ZGRF1: variants seen among roughly 807,000 people sequenced by gnomAD.
The protein encoded by ZGRF1 is 5'-3' DNA helicase ZGRF1.
A neutral mutation model predicts 203.5 loss-of-function variants in ZGRF1; 196 were observed. The ratio of observed to expected loss-of-function variants is 0.96; its 90% CI spans 0.86 to 1.08. The LOEUF is 1.08. Ranked by LOEUF, ZGRF1 falls within the 50% of genes least tolerant of loss-of-function variation. The pLI is 0.00. For missense variants in ZGRF1, 2,326 were observed against 2,416.3 expected (o/e 0.96, Z 0.78); for synonymous variants, 809 against 841.3 (o/e 0.96, Z 0.66).
In ZGRF1 at chr4:112,553,815, T is replaced by C. The variant is rs761771355; in HGVS notation, c.5346+20A>G. Reference sequence around the variant, plus strand: ...TGGTATATATAAATCAAGAAACAAATTGAAGCTACTACTTCTTACCTGCTT... The same window carrying C: ...TGGTATATATAAATCAAGAAACAAACTGAAGCTACTACTTCTTACCTGCTT... On this transcript the variant is annotated intron_variant, in intron 22 of 27. Transcript: ENST00000505019. 12 of 1,581,192 alleles carry C rather than the reference T, an allele frequency of 7.6e-6. No homozygotes were observed. In the African/African-American group the frequency reaches 1.5e-4, roughly 20 times the overall value.
chr4:112,541,955 T>C (rs1349991785), intron 24 of ZGRF1, among the ~76,000 whole-genome samples: 1 of 152,272 alleles, frequency 6.6e-6, no homozygotes, highest in East Asian at 1.9e-4. Context: ...TTTTTCATTC[T>C]GAATCTTGAA....
At chr4:112,633,682 A>G (rs1405847843) in intron 1 of ZGRF1, among the ~76,000 whole-genome samples, 1 of 152,224 alleles carries the variant, frequency 6.6e-6, no homozygotes, top group Non-Finnish European at 1.5e-5. Context: ...GACCAATTAC[A>G]TAGTACCTCT....
intron 16 of ZGRF1, among the ~76,000 whole-genome samples, chr4:112,568,742 G>A (rs1274919097): frequency 4.1e-5 from 6 of 148,144 alleles, no homozygotes; most frequent in East Asian, 2.0e-4. Flanking sequence ...AAAGCCAGGC[G>A]TGGTGGCTCA....
chr4:112,545,281 C>A (rs554673490), intron 24 of ZGRF1, among the ~76,000 whole-genome samples: 1 of 150,018 alleles, frequency 6.7e-6, no homozygotes, highest in South Asian at 2.1e-4. Context: ...AAAAAAAAAA[C>A]CTCCTATAAC....
rs796315134 is a variant in ZGRF1, at chr4:112,617,328, CTATT to C, written c.2602+108_2602+111del. On this transcript the variant is annotated intron_variant, in intron 6 of 27. Transcript: ENST00000505019. ...TGGTTTTACCAAGTACATGTATTAC[CTATT>C]TAAACACTATGTAATTCTTTAATGT... The C allele has an allele frequency of 2.6e-4, 184 of 712,000 alleles. No individual in the cohort carries two copies. The African/African-American group carries it at 3.0e-3, about 11-fold the overall frequency. The allele number at this position is 712,000 out of a possible 1,614,324, so 44.1% of individuals were successfully genotyped here. A position where few individuals can be genotyped will look rare whatever the true frequency, so the allele number is the denominator to read the frequency against.
rs781560602 is a variant in ZGRF1, at chr4:112,619,293, CT to C, written c.748del (p.Arg250GlufsTer7). ...AAGAGCTAATATCTGTGCTTTGCTT[CT>C]GATGTTTTGTGAAACTCCTGAATAG... ...SHYSGVSQNI[R>X]SKAQILALLK... On this transcript the variant is annotated frameshift_variant, in exon 6 of 28. Coordinates refer to ENST00000505019, the MANE Select transcript of ZGRF1 (RefSeq NM_018392.5). LOFTEE classifies it high-confidence loss of function. 6.2e-7 allele frequency: 1 copy of C among 1,613,340 alleles called. No homozygotes were observed. The highest frequency in any genetic ancestry group is 2.2e-5 in the East Asian group (1 of 44,870).
In ZGRF1 at chr4:112,613,777, A is replaced by T. The variant is rs141866229; in HGVS notation, c.2603-1189T>A. Among the ~76,000 whole-genome samples, 45 of 152,072 alleles carry T rather than the reference A, an allele frequency of 3.0e-4. No homozygotes were observed. The East Asian group carries it at 8.1e-3, about 27-fold the overall frequency. ...ATCAGGTATCCATTTAAAAATAGAA[A>T]TTTTTTTTCTTAAAAAAAAGTACAT... On this transcript the variant is annotated intron_variant, in intron 6 of 27. Coordinates refer to ENST00000505019, the MANE Select transcript of ZGRF1 (RefSeq NM_018392.5).
chr4:112,609,832 C>T (rs760845352), intron 7 of ZGRF1, among the ~76,000 whole-genome samples: 12 of 151,180 alleles, frequency 7.9e-5, no homozygotes, highest in Admixed American at 2.0e-4. Flanking sequence ...AATACTAGAA[C>T]ACCATCACTA....
chr4:112,615,862 CG>C (rs1227154751), intron 6 of ZGRF1, among the ~76,000 whole-genome samples: 1 of 147,304 alleles, frequency 6.8e-6, no homozygotes, highest in Non-Finnish European at 1.5e-5. Context: ...CTCGAACTCC[CG>C]ACCTCAGGTG....
chr4:112,587,265 G>T lies in ZGRF1; in HGVS notation c.3777+15C>A. 6.3e-7 allele frequency: 1 copy of T among 1,579,624 alleles called. No individual in the cohort carries two copies. Among genetic ancestry groups the T allele is most frequent in the Non-Finnish European group, 8.6e-7 (1 of 1,163,964 alleles). ...TATTGGAAAAATGCACCACAAGACC[G>T]GTACATTTCCTCACCTGTAAATCCT... is the stretch of plus-strand genomic sequence containing the variant. On this transcript the variant is annotated intron_variant, in intron 12 of 27. Coordinates refer to ENST00000505019, the MANE Select transcript of ZGRF1 (RefSeq NM_018392.5).
intron 10 of ZGRF1, among the ~76,000 whole-genome samples, chr4:112,598,486 A>AC (rs1433769763): frequency 1.5e-4 from 12 of 78,142 alleles, no homozygotes; most frequent in East Asian, 2.0e-3. Flanking sequence ...TAAAGTTATA[A>AC]TATAACTTAA....
chr4:112,593,318 A>G (rs777606313), intron 10 of ZGRF1, among the ~76,000 whole-genome samples: 12 of 152,218 alleles, frequency 7.9e-5, no homozygotes, highest in Non-Finnish European at 1.5e-4. Context: ...ACTCCACTAT[A>G]CTTTCACTGC....
chr4:112,620,290 A>T, intron 4 of ZGRF1, 100 bp from the exon 5 acceptor site: 1 of 752,066 alleles, frequency 1.3e-6, no homozygotes, highest in African/African-American at 1.8e-5. Context: ...TGTTCAATAA[A>T]TAGGTGTTGA....
intron 10 of ZGRF1, among the ~76,000 whole-genome samples, chr4:112,597,756 T>C (rs1198694625): frequency 6.7e-6 from 1 of 149,424 alleles, no homozygotes; most frequent in African/African-American, 2.5e-5. Flanking sequence ...TGGTGGTGCG[T>C]GCCTGTGGCC....
intron 3 of ZGRF1, 30 bp from the exon 4 acceptor site, chr4:112,623,906 G>A (rs756862557): frequency 3.4e-6 from 4 of 1,174,728 alleles, no homozygotes; most frequent in Non-Finnish European, 5.0e-6. Flanking sequence ...ATGTTAAAAA[G>A]GAACAACACA....
In ZGRF1 at chr4:112,587,299, T is replaced by C. The variant is rs958603141; in HGVS notation, c.3758A>G (p.Tyr1253Cys). ...CCTCACCTGTAAATCCTTTACACTG[T>C]AGTTGTAGCAGGTAGACCCTCCTAA... ...NVLGGSTCYN[Y>C]SVKDLQEISG... The change falls in exon 12 of 28, where the codon TAC (tyrosine) becomes TGC (cysteine). Residue 1253 changes from tyrosine to cysteine, a missense_variant. Transcript: ENST00000505019. The C allele has an allele frequency of 2.5e-6, 4 of 1,610,316 alleles. No homozygotes were observed. Among genetic ancestry groups the C allele is most frequent in the Non-Finnish European group, 3.4e-6 (4 of 1,178,680 alleles).
chr4:112,563,248 G>T lies in ZGRF1; in HGVS notation c.4465C>A (p.Leu1489Ile). The T allele has an allele frequency of 6.4e-7, 1 of 1,551,114 alleles. No individual in the cohort carries two copies. The highest frequency in any genetic ancestry group is 1.2e-5 in the South Asian group (1 of 84,008). The change falls in exon 17 of 28, where the codon CTA becomes ATA. Residue 1489 changes from leucine to isoleucine, a missense_variant. By Grantham distance (5) the Leu-to-Ile change is conservative. Coordinates refer to ENST00000505019, the MANE Select transcript of ZGRF1 (RefSeq NM_018392.5). ...ATAAAAGTATCCAGCTCAAAGTCTA[G>T]GGTTTTTGAAACCACCCAAAGATCA... ...KNDLWVVSKT[L>I]DFELDTFIAC... is the part of the protein sequence containing the mutation.
intron 4 of ZGRF1, among the ~76,000 whole-genome samples, chr4:112,622,976 C>T (rs1044441843): frequency 6.6e-6 from 1 of 152,186 alleles, no homozygotes; most frequent in Non-Finnish European, 1.5e-5. Context: ...CTCCTACCCT[C>T]TCTCCGTTTC....
At chr4:112,562,276 G>T in intron 18 of ZGRF1, 95 bp downstream of exon 18, 1 of 695,888 alleles carries the variant, frequency 1.4e-6, no homozygotes, top group Non-Finnish European at 2.5e-6. Context: ...AATTTTATTG[G>T]CAACATTTAT....
Sources: allele counts gnomAD v4.1 joint callset (sites outside exome capture counted in the v4.1 genomes callset), GRCh38; gene constraint gnomAD v4.1.1; transcripts MANE v1.5; gene names NCBI Gene and HGNC (gene_info 2026-07-23, HGNC 2026-07-21).